Variants in FBXL17 observed in about 807,000 individuals in gnomAD.
FBXL17 encodes F-box/LRR-repeat protein 17.
A neutral mutation model predicts 66.2 loss-of-function variants in FBXL17; 22 were observed. The observed-to-expected ratio is 0.33, with a 90% CI of 0.24 to 0.47. The LOEUF (loss-of-function observed/expected upper bound fraction) is 0.47, where lower values mean the gene tolerates loss of function less well. Among genes scored for constraint, FBXL17 ranks in the 20% least tolerant of loss-of-function variants. The probability of loss-of-function intolerance (pLI) is 1.00; values close to 1 mark genes in which losing one functional copy is unlikely to be tolerated. For synonymous variants in FBXL17, 474 were observed against 400.5 expected (o/e 1.18, Z -2.19); for missense variants, 878 against 948.2 (o/e 0.93, Z 0.97).
chr5:108,167,308 C>T (rs1373230386), intron 6 of FBXL17, among the ~76,000 whole-genome samples: 2 of 152,084 alleles, frequency 1.3e-5, no homozygotes, highest in Admixed American at 6.5e-5. Flanking sequence ...GATAAAGCAT[C>T]GATGATTGAT....
At chr5:107,977,509 A>T (rs781573396) in intron 7 of FBXL17, among the ~76,000 whole-genome samples, 1 of 152,212 alleles carries the variant, frequency 6.6e-6, no homozygotes, top group African/African-American at 2.4e-5. Flanking sequence ...CAGAGGCAAG[A>T]CTGTTTTCAA....
intron 7 of FBXL17, among the ~76,000 whole-genome samples, chr5:107,978,891 G>T (rs1406485211): frequency 1.3e-5 from 2 of 152,106 alleles, no homozygotes; most frequent in Admixed American, 1.3e-4. Context: ...GTTTGTGCAG[G>T]GGGCAGGAAG....
intron 7 of FBXL17, among the ~76,000 whole-genome samples, chr5:107,930,370 A>G (rs1750689996): frequency 6.6e-6 from 1 of 151,816 alleles, no homozygotes; most frequent in African/African-American, 2.4e-5. Flanking sequence ...CTTGTGGCCA[A>G]CTCCTTCTCA....
intron 5 of FBXL17, among the ~76,000 whole-genome samples, chr5:108,190,273 A>AT (rs1471498819): frequency 6.6e-6 from 1 of 152,208 alleles, no homozygotes; most frequent in African/African-American, 2.4e-5. Flanking sequence ...GGCTTAGTCC[A>AT]TTCAGTCTTC....
chr5:108,036,799 A>G (rs1746859342), intron 6 of FBXL17, among the ~76,000 whole-genome samples: 1 of 152,226 alleles, frequency 6.6e-6, no homozygotes, highest in African/African-American at 2.4e-5. Flanking sequence ...ATTGATGCAC[A>G]GTAATAAGGC....
In FBXL17 at chr5:108,063,835, TG is replaced by T. The variant is rs369583956; in HGVS notation, c.1746-42835del. On this transcript the variant is annotated intron_variant, in intron 6 of 8. Coordinates refer to ENST00000542267, the MANE Select transcript of FBXL17 (RefSeq NM_001163315.3). ...CTTTCTTGTTTTTTGTTTTCTTGGA[TG>T]AAAAAAACAACAGTGATTTAAAAAA... Among the ~76,000 whole-genome samples, 154 of 152,212 alleles carry T rather than the reference TG, an allele frequency of 1.0e-3. 2 individuals are homozygous for T. The South Asian group carries it at 0.03, about 29-fold the overall frequency.
intron 6 of FBXL17, among the ~76,000 whole-genome samples, chr5:108,053,798 A>G (rs557988853): frequency 6.6e-6 from 1 of 152,320 alleles, no homozygotes; most frequent in East Asian, 1.9e-4. Context: ...TCTACTATAA[A>G]GGTACATGCA....
Position 108,350,910 on chromosome 5 carries a change from A to G in FBXL17, c.1375-2380T>C, listed in dbSNP as rs1256508853. ...TCTGGGTAACAGAAGATCTAACCCA[A>G]CAGCAAGAGAAAGAAAATCTTAAGG... On this transcript the variant is annotated intron_variant, in intron 3 of 8. Transcript: ENST00000542267. Among the ~76,000 whole-genome samples the G allele has an allele frequency of 2.0e-5, 3 of 152,216 alleles. No homozygotes were observed. In the East Asian group the frequency reaches 5.8e-4, roughly 29 times the overall value.
At chr5:108,001,790 G>A (rs901465613) in intron 7 of FBXL17, among the ~76,000 whole-genome samples, 2 of 151,682 alleles carry the variant, frequency 1.3e-5, no homozygotes, top group African/African-American at 4.8e-5. Flanking sequence ...GTGAGCCACC[G>A]TGCCCAGCCG....
intron 5 of FBXL17, among the ~76,000 whole-genome samples, chr5:108,190,884 T>C (rs1186842962): frequency 9.9e-5 from 15 of 152,214 alleles, no homozygotes; most frequent in Admixed American, 9.2e-4. Flanking sequence ...GTTGGAAATA[T>C]ACTGTTCTGT....
At chr5:107,969,326 C>G (rs999517514) in intron 7 of FBXL17, among the ~76,000 whole-genome samples, 3 of 152,226 alleles carry the variant, frequency 2.0e-5, no homozygotes, top group African/African-American at 7.2e-5. Context: ...CTTTAGTATA[C>G]ACTCTTTAAC....
At chr5:108,193,317 T>A (rs1028640676) in intron 5 of FBXL17, among the ~76,000 whole-genome samples, 2 of 152,006 alleles carry the variant, frequency 1.3e-5, no homozygotes, top group Non-Finnish European at 1.5e-5. Context: ...AAGGCAGTTA[T>A]AAGAAAACTG....
At chr5:107,884,606 A>G (rs1272888886) in intron 7 of FBXL17, among the ~76,000 whole-genome samples, 1 of 152,192 alleles carries the variant, frequency 6.6e-6, no homozygotes, top group African/African-American at 2.4e-5. Flanking sequence ...TGACTATATC[A>G]TGTCCTTGGA....
chr5:107,986,529 C>T (rs923503740), intron 7 of FBXL17, among the ~76,000 whole-genome samples: 1 of 151,396 alleles, frequency 6.6e-6, no homozygotes, highest in Non-Finnish European at 1.5e-5. Context: ...AATTAAAATC[C>T]CAATGTGTCA....
At chr5:108,022,972 T>A (rs1754656890) in intron 6 of FBXL17, among the ~76,000 whole-genome samples, 1 of 152,082 alleles carries the variant, frequency 6.6e-6, no homozygotes, top group South Asian at 2.1e-4. Flanking sequence ...TGAATACGTA[T>A]TATAAAATCA....
chr5:107,883,808 G>A (rs772457430), intron 7 of FBXL17, among the ~76,000 whole-genome samples: 26 of 152,128 alleles, frequency 1.7e-4, no homozygotes, highest in Non-Finnish European at 3.8e-4. Flanking sequence ...GGGTGTAAGA[G>A]CCCCCTCACG....
intron 3 of FBXL17, among the ~76,000 whole-genome samples, chr5:108,357,667 G>A (rs941852901): frequency 3.3e-5 from 5 of 150,960 alleles, no homozygotes; most frequent in Admixed American, 6.6e-5. Context: ...AATAAAAATC[G>A]ATTACAGGAA....
intron 6 of FBXL17, among the ~76,000 whole-genome samples, chr5:108,025,124 T>C (rs1487386310): frequency 6.6e-6 from 1 of 152,186 alleles, no homozygotes; most frequent in Non-Finnish European, 1.5e-5. Context: ...TGAGGAAATA[T>C]GACTACATCG....
At chr5:107,938,114 T>G (rs1367271003) in intron 7 of FBXL17, among the ~76,000 whole-genome samples, 2 of 152,116 alleles carry the variant, frequency 1.3e-5, no homozygotes, top group African/African-American at 4.8e-5. Context: ...CTTGAAGACG[T>G]GCACTTGACG....
Sources: gnomAD v4.1 joint callset for allele counts (sites outside exome capture counted in the v4.1 genomes callset) on GRCh38, gnomAD v4.1.1 for gene constraint, MANE v1.5 for transcripts, NCBI Gene and HGNC (gene_info 2026-07-23, HGNC 2026-07-21) for gene names.